The following TBC1D32 variants were observed in gnomAD, a reference collection of about 807,000 sequenced individuals.
The protein encoded by TBC1D32 is protein broad-minded.
Under a neutral mutation model 170.3 loss-of-function variants are expected in TBC1D32, and 151 were observed. That is an observed-to-expected ratio of 0.89 (90% CI 0.78 to 1.01). The LOEUF is 1.01. Ranked by LOEUF, TBC1D32 falls within the 50% of genes least tolerant of loss-of-function variation. The probability of loss-of-function intolerance (pLI) is 0.00; values close to 1 mark genes in which losing one functional copy is unlikely to be tolerated. For synonymous variants in TBC1D32, 498 were observed against 488.0 expected (o/e 1.02, Z -0.27); for missense variants, 1,464 against 1,457.1 (o/e 1.00, Z -0.08).
intron 30 of TBC1D32, chr6:121,096,368 A>T (rs551435650): frequency 1.3e-5 from 2 of 151,928 alleles, no homozygotes; most frequent in Non-Finnish European, 2.9e-5. Context: ...CAAAATCAAC[A>T]TGCAAAAATC....
intron 22 of TBC1D32, among the ~76,000 whole-genome samples, chr6:121,204,389 C>T (rs77831763): frequency 0.018 from 2,727 of 150,920 alleles, 114 homozygotes; most frequent in South Asian, 0.042. Flanking sequence ...CATTGATCTC[C>T]CTCAAGTCTA....
At chr6:121,213,808 T>C (rs931438511) in intron 21 of TBC1D32, among the ~76,000 whole-genome samples, 5 of 152,018 alleles carry the variant, frequency 3.3e-5, no homozygotes, top group African/African-American at 1.2e-4. Context: ...AAAATTCATA[T>C]GAAACCAAAA....
At chr6:121,311,109 C>T (rs938656061) in intron 3 of TBC1D32, among the ~76,000 whole-genome samples, 9 of 152,054 alleles carry the variant, frequency 5.9e-5, no homozygotes, top group African/African-American at 1.9e-4. Context: ...CATTATAAGA[C>T]TCAAAAGACA....
chr6:121,331,543 A>T (rs1245379086), intron 1 of TBC1D32, among the ~76,000 whole-genome samples: 1 of 152,114 alleles, frequency 6.6e-6, no homozygotes, highest in Non-Finnish European at 1.5e-5. Flanking sequence ...TTTTAATTAG[A>T]TTATTTTTCT....
At position 121,279,202 on chromosome 6, in the gene TBC1D32, C is replaced by T. The variant is rs1177054605; in HGVS notation, c.1652G>A (p.Gly551Asp). 4 of 1,611,334 alleles carry T rather than the reference C, an allele frequency of 2.5e-6. No homozygotes were observed. In the African/African-American group the frequency reaches 4.0e-5, roughly 16 times the overall value. ...TACAGATGCAATTCTTGCCAAAATA[C>T]CAGCTATATGAATTAAAGCTGTCTC... ...CSETALIHIA[G>D]ILARIASVEE... The change falls in exon 15 of 32, where the codon GGT becomes GAT. Residue 551 changes from glycine (G) to aspartate (D), a missense_variant. Gly to Asp is a moderately conservative substitution (Grantham distance 94). Coordinates refer to ENST00000398212, the MANE Select transcript of TBC1D32 (RefSeq NM_152730.6).
chr6:121,142,140 T>C (rs1428744501), intron 24 of TBC1D32, among the ~76,000 whole-genome samples: 2 of 152,262 alleles, frequency 1.3e-5, no homozygotes, highest in African/African-American at 2.4e-5. Flanking sequence ...CAAACTCTTT[T>C]TGACCCCTAG....
intron 20 of TBC1D32, among the ~76,000 whole-genome samples, chr6:121,235,587 G>T (rs138283692): frequency 6.6e-6 from 1 of 152,124 alleles, no homozygotes; most frequent in Non-Finnish European, 1.5e-5. Context: ...CCTAAATGCC[G>T]GTCTCACTCC....
intron 24 of TBC1D32, among the ~76,000 whole-genome samples, chr6:121,150,822 T>C (rs1784115906): frequency 6.6e-6 from 1 of 152,216 alleles, no homozygotes; most frequent in Admixed American, 6.5e-5. Flanking sequence ...TGTCGGTAGT[T>C]TGTATTTCTG....
chr6:121,132,899 T>C (rs1170015276), intron 24 of TBC1D32, among the ~76,000 whole-genome samples: 1 of 151,964 alleles, frequency 6.6e-6, no homozygotes, highest in African/African-American at 2.4e-5. Flanking sequence ...CATATACACA[T>C]ATACATATGT....
chr6:121,321,673 C>T lies in TBC1D32; in HGVS notation c.277G>A (p.Val93Ile), dbSNP rs755408441. The change falls in exon 2 of 32, where the codon GTT (valine) becomes ATT (isoleucine). Residue 93 changes from valine (V) to isoleucine (I), a missense_variant. Physicochemically the swap from Val to Ile is conservative, Grantham distance 29 (BLOSUM62 3). Around this residue, in one of 3 missense-constraint regions of TBC1D32, gnomAD observed 1,363 missense variants for 1,338.1 expected, o/e 1.02. Transcript: ENST00000398212. ...GTTCTTTTAGTGACCTGCTGTACAA[C>T]TGTATCATAGCCGCATTCTTCACCC... ...NQGEECGYDT[V>I]VQQVTKRTQE... The T allele has an allele frequency of 1.2e-6, 2 of 1,613,828 alleles. No individual in the cohort carries two copies. The highest frequency in any genetic ancestry group is 1.1e-5 in the South Asian group (1 of 91,056).
intron 22 of TBC1D32, among the ~76,000 whole-genome samples, chr6:121,168,642 G>A (rs1233823877): frequency 8.0e-6 from 1 of 124,514 alleles, no homozygotes; most frequent in African/African-American, 2.9e-5. Context: ...CAGCGCACCA[G>A]CATGGCACAT....
chr6:121,294,130 T>C (rs1805266881), intron 11 of TBC1D32, among the ~76,000 whole-genome samples: 3 of 152,018 alleles, frequency 2.0e-5, no homozygotes, highest in Admixed American at 2.0e-4. Context: ...ACATTTTAGC[T>C]CAGACACAGA....
chr6:121,290,509 G>C (rs1460581380), intron 12 of TBC1D32, among the ~76,000 whole-genome samples: 2 of 152,018 alleles, frequency 1.3e-5, no homozygotes, highest in Admixed American at 6.6e-5. Context: ...AACAGGTGCT[G>C]GAGAGGATGT....
intron 3 of TBC1D32, among the ~76,000 whole-genome samples, chr6:121,315,235 C>G (rs1808757069): frequency 6.6e-6 from 1 of 152,140 alleles, no homozygotes; most frequent in African/African-American, 2.4e-5. Flanking sequence ...AAAAGGCTCA[C>G]TTTTTTCTGT....
chr6:121,294,747 C>CTCCAAAGTATT, intron 10 of TBC1D32, 87 bp from the exon 11 acceptor site: 1 of 1,037,354 alleles, frequency 9.6e-7, no homozygotes, highest in Non-Finnish European at 1.5e-6. Context: ...TGTAAAAATA[C>CTCCAAAGTATT]TTTGGAGAAA....
At position 121,085,683 on chromosome 6, in the gene TBC1D32, T is replaced by C. The variant is rs566976909; in HGVS notation, c.3655-4793A>G. On this transcript the variant is annotated intron_variant, in intron 31 of 31. Transcript: ENST00000398212. ...TAACAGGTCTGGGAAGGAATCTAAA[T>C]ACATTAATTTTCATAAGTACCCTAA... is the stretch of plus-strand genomic sequence containing the variant. Among the ~76,000 whole-genome samples the C allele has an allele frequency of 5.9e-5, 9 of 152,200 alleles. 1 individual carries two copies. The South Asian group carries it at 1.9e-3, about 32-fold the overall frequency.
intron 17 of TBC1D32, among the ~76,000 whole-genome samples, chr6:121,248,926 G>GAGAA (rs1464826805): frequency 2.0e-5 from 3 of 151,676 alleles, no homozygotes; most frequent in Admixed American, 1.3e-4. Flanking sequence ...AAGATAAAGA[G>GAGAA]AGAATCCTTC....
At chr6:121,253,516 A>G (rs1312797964) in intron 17 of TBC1D32, among the ~76,000 whole-genome samples, 1 of 152,172 alleles carries the variant, frequency 6.6e-6, no homozygotes, top group Non-Finnish European at 1.5e-5. Context: ...CAGAAGATCA[A>G]GACCATCCTG....
At chr6:121,269,723 G>T (rs1293080464) in intron 15 of TBC1D32, among the ~76,000 whole-genome samples, 1 of 152,032 alleles carries the variant, frequency 6.6e-6, no homozygotes, top group Non-Finnish European at 1.5e-5. Context: ...AGTTAACAAG[G>T]ATATCCAGGA....
Sources: allele counts gnomAD v4.1 joint callset (sites outside exome capture counted in the v4.1 genomes callset), GRCh38; gene constraint gnomAD v4.1.1; regional missense constraint gnomAD v4.1.1; transcripts MANE v1.5; gene names NCBI Gene and HGNC (gene_info 2026-07-23, HGNC 2026-07-21).